ASPRV1: variants seen among roughly 807,000 people sequenced by gnomAD.
ASPRV1 encodes aspartic peptidase retroviral like 1.
In ASPRV1, 7 loss-of-function variants were observed where a neutral mutation model predicts 11.0. The ratio of observed to expected loss-of-function variants is 0.64; its 90% confidence interval spans 0.36 to 1.20. The LOEUF (loss-of-function observed/expected upper bound fraction) is 1.20, where lower values mean the gene tolerates loss of function less well. Among genes scored for constraint, ASPRV1 ranks in the 50% most tolerant of loss-of-function variants. The probability of loss-of-function intolerance (pLI) is 0.02; values close to 1 mark genes in which losing one functional copy is unlikely to be tolerated. For missense variants in ASPRV1, 299 were observed against 320.0 expected (o/e 0.93, Z 0.50); for synonymous variants, 136 against 138.4 (o/e 0.98, Z 0.12).
At chr2:70,066,605 A>T in the ASPRV1 span, among the ~76,000 whole-genome samples, 9 of 148,024 alleles carry the variant, frequency 6.1e-5, no homozygotes, top group Non-Finnish European at 1.4e-4. Flanking sequence ...ATTTTACTTT[A>T]TTTTTTTTTT....
the ASPRV1 span, among the ~76,000 whole-genome samples, chr2:70,068,630 A>T: frequency 6.6e-6 from 1 of 152,130 alleles, no homozygotes; most frequent in Non-Finnish European, 1.5e-5. Flanking sequence ...GATGAAGGCA[A>T]GTTAAAGCCT....
the ASPRV1 span, chr2:69,941,151 CTAAA>C: frequency 1.3e-5 from 2 of 152,078 alleles, no homozygotes; most frequent in Non-Finnish European, 2.9e-5. Flanking sequence ...TTTTAAAAAA[CTAAA>C]AAAATCTAAA....
chr2:69,994,623 T>G, the ASPRV1 span, among the ~76,000 whole-genome samples: 4 of 152,352 alleles, frequency 2.6e-5, no homozygotes, highest in South Asian at 8.3e-4. Flanking sequence ...CACTCTATGT[T>G]GCTCACCTGG....
chr2:70,059,477 TC>T, the ASPRV1 span, among the ~76,000 whole-genome samples: 2 of 151,976 alleles, frequency 1.3e-5, no homozygotes, highest in African/African-American at 4.8e-5. Context: ...AGAGCAGACG[TC>T]CCCAACCTTT....
chr2:69,955,563 T>C (rs1429604343), downstream of ASPRV1, among the ~76,000 whole-genome samples: 2 of 152,182 alleles, frequency 1.3e-5, no homozygotes, highest in Non-Finnish European at 1.5e-5. Context: ...CTGGGTATTT[T>C]AGAACTGGGC....
At chr2:69,962,575 A>G (rs1678162922), upstream of ASPRV1, 1 of 152,682 alleles carries the variant, frequency 6.5e-6, no homozygotes, top group African/African-American at 2.4e-5. Flanking sequence ...CCCTCGCTGC[A>G]GGGGTAAAGG....
the ASPRV1 span, chr2:69,988,549 T>C: frequency 1.2e-5 from 4 of 331,844 alleles, no homozygotes; most frequent in African/African-American, 8.6e-5. Context: ...AGTTAGTGTT[T>C]AGTGGGTAGA....
the ASPRV1 span, chr2:69,937,481 G>A: frequency 1.5e-6 from 2 of 1,322,910 alleles, no homozygotes; most frequent in Non-Finnish European, 2.0e-6. Context: ...GAGGCAGAGT[G>A]TAAGAAGAAC....
chr2:69,996,006 G>A, the ASPRV1 span, among the ~76,000 whole-genome samples: 1 of 151,836 alleles, frequency 6.6e-6, no homozygotes, highest in Admixed American at 6.6e-5. Flanking sequence ...AGTCAGGTGG[G>A]GTATCAGCAT....
chr2:69,946,097 G>C, the ASPRV1 span, among the ~76,000 whole-genome samples: 2 of 152,188 alleles, frequency 1.3e-5, no homozygotes, highest in Non-Finnish European at 2.9e-5. Context: ...ACAGGGACCA[G>C]TGGGCGTGGG....
At chr2:70,068,154 A>C in the ASPRV1 span, among the ~76,000 whole-genome samples, 71 of 152,346 alleles carry the variant, frequency 4.7e-4, no homozygotes, top group Non-Finnish European at 8.2e-4. Context: ...CCAAAATCGC[A>C]ACACACACAG....
the ASPRV1 span, among the ~76,000 whole-genome samples, chr2:70,022,643 T>A: frequency 6.6e-6 from 1 of 151,872 alleles, no homozygotes; most frequent in Non-Finnish European, 1.5e-5. Flanking sequence ...TGAGCTGAGA[T>A]CGCACCACTG....
chr2:70,025,227 TTAAA>T, the ASPRV1 span, among the ~76,000 whole-genome samples: 3 of 152,114 alleles, frequency 2.0e-5, no homozygotes, highest in Non-Finnish European at 4.4e-5. Context: ...TAGAAATGCA[TTAAA>T]TATTTTAATG....
chr2:69,988,521 T>C, the ASPRV1 span: 1 of 307,472 alleles, frequency 3.3e-6, no homozygotes, highest in South Asian at 2.8e-5. Flanking sequence ...GGGAGGGAAA[T>C]GTTTGGTGGG....
the ASPRV1 span, among the ~76,000 whole-genome samples, chr2:70,023,342 G>T: frequency 1.3e-5 from 2 of 152,190 alleles, no homozygotes; most frequent in Admixed American, 1.3e-4. Flanking sequence ...GCAGGGGAGG[G>T]AAGAGAGGTC....
At chr2:69,933,200 C>CA in the ASPRV1 span, among the ~76,000 whole-genome samples, 1,691 of 79,910 alleles carry the variant, frequency 0.021, 87 homozygotes, top group Non-Finnish European at 0.03. Context: ...AACTCTGTCT[C>CA]AAAAAAAAAA....
chr2:69,956,608 T>A (rs1432812856), downstream of ASPRV1, among the ~76,000 whole-genome samples: 1 of 151,984 alleles, frequency 6.6e-6, no homozygotes, highest in Non-Finnish European at 1.5e-5. Flanking sequence ...CAGTGACAAT[T>A]CAGACAAAGA....
chr2:70,010,566 T>C, the ASPRV1 span, among the ~76,000 whole-genome samples: 1 of 152,070 alleles, frequency 6.6e-6, no homozygotes, highest in African/African-American at 2.4e-5. Flanking sequence ...TGATAAGGAA[T>C]TTGGACTTGA....
the ASPRV1 span, among the ~76,000 whole-genome samples, chr2:69,986,691 T>G: frequency 6.6e-6 from 1 of 152,164 alleles, no homozygotes; most frequent in Non-Finnish European, 1.5e-5. Context: ...AAGAGAACCA[T>G]GAGACCCCTT....
Sources: gnomAD v4.1 joint callset for allele counts (sites outside exome capture counted in the v4.1 genomes callset) on GRCh38, gnomAD v4.1.1 for gene constraint, MANE v1.5 for transcripts, NCBI Gene and HGNC (gene_info 2026-07-23, HGNC 2026-07-21) for gene names.